The following KLF8 variants were observed in gnomAD, a reference collection of about 807,000 sequenced individuals.
KLF8 encodes Krueppel-like factor 8.
In KLF8, 10 loss-of-function variants were observed where a neutral mutation model predicts 18.2. The observed-to-expected ratio is 0.55, with a 90% CI of 0.34 to 0.93. The LOEUF is 0.93. KLF8 is among the 40% of genes least tolerant of loss of function. The pLI is 0.02. For missense variants in KLF8, 264 were observed against 277.9 expected, an observed-to-expected ratio of 0.95 and a Z score of 0.36; for synonymous variants, 109 against 97.3, an observed-to-expected ratio of 1.12 and a Z score of -0.71.
At chrX:56,035,061 A>T in the KLF8 span, among the ~76,000 whole-genome samples, 1 of 111,401 alleles carries the variant, frequency 9.0e-6, no homozygotes, top group Non-Finnish European at 1.9e-5. Context: ...GGCCGAACTT[A>T]TTTCTTTTAT....
chrX:56,027,058 C>A, the KLF8 span, among the ~76,000 whole-genome samples: 1 of 112,849 alleles, frequency 8.9e-6, no homozygotes, highest in African/African-American at 3.2e-5. Context: ...GACTCTTGAC[C>A]TAAATGGGTA....
chrX:56,265,637 T>A lies in KLF8; in HGVS notation c.539T>A (p.Val180Glu). The A allele has an allele frequency of 8.3e-7, 1 of 1,211,378 alleles. No homozygotes were observed. Among genetic ancestry groups the A allele is most frequent in the Non-Finnish European group, 1.1e-6 (1 of 895,265 alleles). Residue 180 changes from valine to glutamate, a missense_variant, in exon 3 of 6, where the codon GTG becomes GAG. This residue lies in a region of KLF8 where 221 missense variants were observed against 193.6 expected (regional missense o/e 1.14). Coordinates refer to ENST00000468660, the MANE Select transcript of KLF8 (RefSeq NM_007250.5). ...ATGGGTGGCCTGAAGACCATCCCAG[T>A]GGTAGTGCAGTCTCTGCCCATGGTG... ...NKMGGLKTIP[V>E]VVQSLPMVYT...
chrX:56,172,146 G>A, the KLF8 span, among the ~76,000 whole-genome samples: 27 of 109,760 alleles, frequency 2.5e-4, no homozygotes, highest in African/African-American at 9.0e-4. Context: ...TAGGGTACAG[G>A]TGTACAACAT....
At chrX:56,157,911 A>G in the KLF8 span, among the ~76,000 whole-genome samples, 11 of 111,157 alleles carry the variant, frequency 9.9e-5, no homozygotes, top group Admixed American at 1.1e-3. Context: ...CCCATTTGTC[A>G]ATTTTGTCTT....
At chrX:56,015,495 G>A in the KLF8 span, among the ~76,000 whole-genome samples, 1 of 112,303 alleles carries the variant, frequency 8.9e-6, no homozygotes, top group East Asian at 2.8e-4. Flanking sequence ...GGCAATTTTG[G>A]CTTTCTGATT....
chrX:55,914,444 C>T, the KLF8 span, among the ~76,000 whole-genome samples: 380 of 111,834 alleles, frequency 3.4e-3, 2 homozygotes, highest in African/African-American at 0.012. Context: ...ATGGACCATA[C>T]TAAGAAAATT....
Position 56,288,648 on chromosome X carries a change from TA to T in KLF8, c.*4160del, listed in dbSNP as rs781478979. The stretch of plus-strand genomic sequence containing the variant: ...GGTAAATGTGCAATAGCATTATGTC[TA>T]AAAAACAATGTACATACCTTATTTT... On this transcript the variant is annotated 3_prime_UTR_variant, in exon 6 of 6. Coordinates refer to ENST00000468660, the MANE Select transcript of KLF8 (RefSeq NM_007250.5). Among the ~76,000 whole-genome samples the T allele has an allele frequency of 2.7e-5, 3 of 112,592 alleles. No homozygotes were observed. Among genetic ancestry groups the T allele is most frequent in the Admixed American group, 9.4e-5 (1 of 10,644 alleles).
rs2066688783 is a variant in KLF8 at position 56,250,312 on chromosome X, A to G, written c.81+8A>G. The G allele has an allele frequency of 8.6e-7, 1 of 1,164,367 alleles. No individual in the cohort carries two copies. The highest frequency in any genetic ancestry group is 2.2e-5 in the Admixed American group (1 of 45,557). On this transcript the variant is annotated splice_region_variant and intron_variant, in intron 2 of 5. Transcript: ENST00000468660. Reference sequence around the variant, plus strand: ...ATGCAGGTATTCAAGCAGGTCAGTTATCAGGAAAATAGGGTGCTAATATTG... The same window carrying G: ...ATGCAGGTATTCAAGCAGGTCAGTTGTCAGGAAAATAGGGTGCTAATATTG...
the KLF8 span, among the ~76,000 whole-genome samples, chrX:56,175,686 T>C: frequency 0.018 from 1,975 of 111,445 alleles, 20 homozygotes; most frequent in Middle Eastern, 0.046. Flanking sequence ...CTGTCAGATA[T>C]TGACAGTGGG....
chrX:56,002,409 TTGTGTGTATGTGTGTGTG>T, the KLF8 span, among the ~76,000 whole-genome samples: 7 of 69,171 alleles, frequency 1.0e-4, no homozygotes, highest in African/African-American at 3.3e-4. Flanking sequence ...ATTAATCAAT[TTGTGTGTATGTGTGTGTG>T]TGTGTGTGTG....
the KLF8 span, among the ~76,000 whole-genome samples, chrX:55,950,590 A>C: frequency 9.0e-6 from 1 of 111,480 alleles, no homozygotes; most frequent in African/African-American, 3.3e-5. Flanking sequence ...CGCTCTTTGC[A>C]CAGTAACACT....
the KLF8 span, among the ~76,000 whole-genome samples, chrX:56,038,590 A>ACCACATTTT: frequency 8.9e-6 from 1 of 112,673 alleles, no homozygotes; most frequent in Non-Finnish European, 1.9e-5. Context: ...GTTTATATGT[A>ACCACATTTT]CCACATTTTC....
At chrX:56,075,307 C>A in the KLF8 span, among the ~76,000 whole-genome samples, 1 of 111,222 alleles carries the variant, frequency 9.0e-6, no homozygotes, top group Non-Finnish European at 1.9e-5. Flanking sequence ...TTTTGCATGT[C>A]AAACTTGTAC....
the KLF8 span, among the ~76,000 whole-genome samples, chrX:56,126,736 TTTTC>T: frequency 7.0e-5 from 7 of 99,360 alleles, no homozygotes; most frequent in Non-Finnish European, 1.0e-4. Context: ...CTCTTTTTCT[TTTTC>T]TTTCTTTCTT....
the KLF8 span, among the ~76,000 whole-genome samples, chrX:56,152,984 G>A: frequency 1.8e-5 from 2 of 111,638 alleles, no homozygotes; most frequent in East Asian, 5.6e-4. Context: ...TTTGGTCTTA[G>A]AACCTTTCAT....
the KLF8 span, among the ~76,000 whole-genome samples, chrX:56,179,152 C>T: frequency 9.0e-6 from 1 of 111,660 alleles, no homozygotes; most frequent in African/African-American, 3.3e-5. Context: ...TTGTTTGTGC[C>T]CTCTTTTATT....
the KLF8 span, among the ~76,000 whole-genome samples, chrX:56,136,467 G>T: frequency 1.8e-5 from 2 of 111,145 alleles, no homozygotes; most frequent in African/African-American, 6.6e-5. Flanking sequence ...ACAACTATCT[G>T]ATCTTTGACA....
At chrX:56,199,207 A>G in the KLF8 span, among the ~76,000 whole-genome samples, 2 of 112,213 alleles carry the variant, frequency 1.8e-5, no homozygotes, top group Admixed American at 1.9e-4. Context: ...AAACACCAAA[A>G]GAAATGGCAA....
At chrX:56,146,079 T>A in the KLF8 span, among the ~76,000 whole-genome samples, 1 of 111,855 alleles carries the variant, frequency 8.9e-6, no homozygotes, top group Admixed American at 9.5e-5. Flanking sequence ...CTGGAGAGGA[T>A]GGGGAAAAAT....
Sources: gnomAD v4.1 joint callset for allele counts (sites outside exome capture counted in the v4.1 genomes callset) on GRCh38, gnomAD v4.1.1 for gene constraint, gnomAD v4.1.1 regional missense constraint, MANE v1.5 for transcripts, NCBI Gene and HGNC (gene_info 2026-07-23, HGNC 2026-07-21) for gene names.